The following HABP2 variants were observed in gnomAD, a reference collection of about 807,000 sequenced individuals.
HABP2 encodes the protein hyaluronan binding protein 2.
A neutral mutation model predicts 66.5 loss-of-function variants in HABP2; 65 were observed. The observed-to-expected ratio is 0.98, with a 90% CI of 0.80 to 1.20. The LOEUF (loss-of-function observed/expected upper bound fraction) is 1.20. HABP2 is among the 50% of genes most tolerant of loss of function. HABP2 has a pLI of 0.00. For synonymous variants in HABP2, 263 were observed against 253.9 expected, an observed-to-expected ratio of 1.04 and a Z score of -0.34; for missense variants, 786 against 691.0, an observed-to-expected ratio of 1.14 and a Z score of -1.54.
At chr10:113,580,836 G>C in intron 8 of HABP2, 144 bp downstream of exon 8, 1 of 597,852 alleles carries the variant, frequency 1.7e-6, no homozygotes, top group South Asian at 2.0e-5. Context: ...CAGCCCAACT[G>C]CCCAACTGTC....
In HABP2 at chr10:113,578,684, C is replaced by T. The variant is rs370513627; in HGVS notation, c.626C>T (p.Thr209Ile). ...TCTTACCGAGGGAAAATGAATAGGA[C>T]AGTCAACCAGCATGCGTGCCTTTAC... ...GYSYRGKMNRTVNQHACLYWN... is the reference protein window; with the variant it reads ...GYSYRGKMNRIVNQHACLYWN... Residue 209 changes from threonine (T) to isoleucine (I), a missense_variant, in exon 7 of 13, where the codon ACA becomes ATA. Thr to Ile is a moderately conservative substitution (Grantham distance 89, BLOSUM62 -1). Coordinates refer to ENST00000351270, the MANE Select transcript of HABP2 (RefSeq NM_004132.5). 3.4e-5 allele frequency: 54 copies of T among 1,610,610 alleles called. No individual in the cohort carries two copies. The highest frequency in any genetic ancestry group is 3.3e-4 in the Middle Eastern group (2 of 6,084).
At chr10:113,578,852 G>C in intron 7 of HABP2, 54 bp downstream of exon 7, 1 of 1,229,988 alleles carries the variant, frequency 8.1e-7, no homozygotes. Flanking sequence ...TTTTAAAACA[G>C]ATCATTGAAA....
At chr10:113,558,857 A>G (rs1034529422) in intron 1 of HABP2, among the ~76,000 whole-genome samples, 1 of 151,630 alleles carries the variant, frequency 6.6e-6, no homozygotes, top group African/African-American at 2.4e-5. Context: ...TGCTTGTCTT[A>G]ATTTTTTTTT....
intron 1 of HABP2, among the ~76,000 whole-genome samples, chr10:113,554,250 G>A (rs547226622): frequency 2.0e-5 from 3 of 152,304 alleles, no homozygotes; most frequent in South Asian, 2.1e-4. Context: ...CGCCTTGTTC[G>A]GGAGGGGTGG....
chr10:113,561,529 G>A (rs1334127596), intron 1 of HABP2, among the ~76,000 whole-genome samples: 1 of 152,102 alleles, frequency 6.6e-6, no homozygotes, highest in Non-Finnish European at 1.5e-5. Flanking sequence ...GCACCTCCCT[G>A]GTGGTTGGCA....
chr10:113,583,259 C>G lies in HABP2; in HGVS notation c.1138C>G (p.Leu380Val). ...AAAGGTGGTGCTAGGGGACCAGGACCTGAAGAAAGAAGAATTTCATGAGCA... is the reference window on the plus strand; with the variant it reads ...AAAGGTGGTGCTAGGGGACCAGGACGTGAAGAAAGAAGAATTTCATGAGCA... ...HLKVVLGDQD[L>V]KKEEFHEQSF... The change falls in exon 10 of 13, where the codon CTG becomes GTG. Residue 380 changes from leucine (L) to valine (V), a missense_variant. Leu to Val is a conservative substitution (Grantham distance 32). Coordinates refer to ENST00000351270, the MANE Select transcript of HABP2 (RefSeq NM_004132.5). 3 of 1,613,114 alleles carry G rather than the reference C, an allele frequency of 1.9e-6. No homozygotes were observed. Among genetic ancestry groups the G allele is most frequent in the Non-Finnish European group, 2.5e-6 (3 of 1,179,116 alleles).
Position 113,553,156 on chromosome 10 carries a change from T to A in HABP2, c.35T>A (p.Leu12Gln), listed in dbSNP as rs764459288. 2.5e-6 allele frequency: 4 copies of A among 1,613,542 alleles called. No individual in the cohort carries two copies. The South Asian group carries it at 3.3e-5, about 13-fold the overall frequency. The change falls in exon 1 of 13, where the codon CTG becomes CAG. Residue 12 changes from leucine (L) to glutamine (Q), a missense_variant. By Grantham distance (113) the Leu-to-Gln change is moderately radical. Coordinates refer to ENST00000351270, the MANE Select transcript of HABP2 (RefSeq NM_004132.5). ...AGGATGTCTGATCTCCATGTTCTGC[T>A]GTTAATGGCTCTGGTGGGAAAGACA... ...FARMSDLHVL[L>Q]LMALVGKTAC...
chr10:113,588,059 A>G lies in HABP2; in HGVS notation c.1519-146A>G. The stretch of plus-strand genomic sequence containing the variant: ...CTTGTATCATGTGAGATGTGGGGAG[A>G]GCCTTGTCACTGCTTTCCAGAGAAG... On this transcript the variant is annotated intron_variant, in intron 12 of 12. Coordinates refer to ENST00000351270, the MANE Select transcript of HABP2 (RefSeq NM_004132.5). The G allele has an allele frequency of 8.7e-6, 5 of 572,774 alleles. No homozygotes were observed. The South Asian group carries it at 1.4e-4, about 16-fold the overall frequency. The allele number at this position is 572,774 out of a possible 1,614,324, so 35.5% of individuals were successfully genotyped here.
At chr10:113,552,505 AAAAG>A (rs750238637), upstream of HABP2, among the ~76,000 whole-genome samples, 4 of 152,218 alleles carry the variant, frequency 2.6e-5, no homozygotes, top group Non-Finnish European at 5.9e-5. Context: ...ATTAAAAAGT[AAAAG>A]TCTTACCTAA....
intron 1 of HABP2, among the ~76,000 whole-genome samples, chr10:113,557,590 T>C (rs1845020525): frequency 6.6e-6 from 1 of 151,716 alleles, no homozygotes; most frequent in Admixed American, 6.6e-5. Context: ...CCAGGAAAAA[T>C]GGTTGGCGGG....
chr10:113,574,350 T>G lies in HABP2; in HGVS notation c.168T>G (p.Ser56Arg). 1 of 1,608,532 alleles carries G rather than the reference T, an allele frequency of 6.2e-7. No homozygotes were observed. The highest frequency in any genetic ancestry group is 8.5e-7 in the Non-Finnish European group (1 of 1,174,772). Residue 56 changes from serine (S) to arginine (R), a missense_variant, in exon 3 of 13, where the codon AGT becomes AGG. Physicochemically the swap from Ser to Arg is moderately radical, Grantham distance 110 (BLOSUM62 -1). Coordinates refer to ENST00000351270, the MANE Select transcript of HABP2 (RefSeq NM_004132.5). ...YEDYNQEENT[S>R]STLTHAENPD... ...ATTATAATCAGGAAGAGAACACCAG[T>G]AGCACACTTACCCACGCTGAGAATC...
At chr10:113,584,638 CA>C (rs1845600412) in intron 11 of HABP2, among the ~76,000 whole-genome samples, 2 of 152,196 alleles carry the variant, frequency 1.3e-5, no homozygotes, top group African/African-American at 4.8e-5. Context: ...TTGACTTTGT[CA>C]CTTGAACAAC....
intron 1 of HABP2, among the ~76,000 whole-genome samples, chr10:113,553,955 C>T (rs1565094069): frequency 6.6e-6 from 1 of 152,162 alleles, no homozygotes; most frequent in African/African-American, 2.4e-5. Flanking sequence ...AATAGAGTCT[C>T]CTTGGAGTTC....
At chr10:113,572,762 G>C (rs1182895262) in intron 2 of HABP2, 1 of 444,510 alleles carries the variant, frequency 2.2e-6, no homozygotes, top group Non-Finnish European at 4.5e-6. Context: ...TTTCATAGTG[G>C]GGAAAAGCAC....
chr10:113,553,141 A>T lies in HABP2; in HGVS notation c.20A>T (p.Asp7Val), dbSNP rs1382817154. The change falls in exon 1 of 13, where the codon GAT (aspartate) becomes GTT (valine). Residue 7 changes from aspartate to valine, a missense_variant. Asp to Val is a radical substitution (Grantham distance 152, BLOSUM62 -3). Transcript: ENST00000351270. ...GCAAAGATGTTTGCCAGGATGTCTG[A>T]TCTCCATGTTCTGCTGTTAATGGCT... MFARMS[D>V]LHVLLLMALV... 1 of 1,613,624 alleles carries T rather than the reference A, an allele frequency of 6.2e-7. No individual in the cohort carries two copies. Among genetic ancestry groups the T allele is most frequent in the Non-Finnish European group, 8.5e-7 (1 of 1,179,538 alleles).
At chr10:113,572,555 C>A (rs961364109) in intron 2 of HABP2, 2 of 312,096 alleles carry the variant, frequency 6.4e-6, no homozygotes, top group South Asian at 5.3e-5. Flanking sequence ...CCTTATCAAA[C>A]CCCATTGTCT....
intron 11 of HABP2, 61 bp downstream of exon 11, chr10:113,584,343 C>T: frequency 1.4e-6 from 2 of 1,410,348 alleles, no homozygotes; most frequent in Non-Finnish European, 2.0e-6. Flanking sequence ...AGAAGAAAGG[C>T]CAAACTCAAC....
chr10:113,573,692 G>A (rs1565102210), intron 2 of HABP2, among the ~76,000 whole-genome samples: 2 of 152,178 alleles, frequency 1.3e-5, no homozygotes, highest in Non-Finnish European at 2.9e-5. Flanking sequence ...AAAGTGCTTA[G>A]CACAGGGCAT....
chr10:113,558,912 T>C (rs1440099548), intron 1 of HABP2, among the ~76,000 whole-genome samples: 1 of 152,110 alleles, frequency 6.6e-6, no homozygotes, highest in Non-Finnish European at 1.5e-5. Flanking sequence ...TGGAGTGCAA[T>C]GGCGCAATCT....
Sources: gnomAD v4.1 joint callset for allele counts (sites outside exome capture counted in the v4.1 genomes callset) on GRCh38, gnomAD v4.1.1 for gene constraint, MANE v1.5 for transcripts, NCBI Gene and HGNC (gene_info 2026-07-23, HGNC 2026-07-21) for gene names.